Variants in EXOC6B observed in about 807,000 individuals in gnomAD.
EXOC6B encodes SEC15 homolog B.
EXOC6B carries 54 observed loss-of-function variants against 113.5 expected under a neutral mutation model. The ratio of observed to expected loss-of-function variants is 0.48; its 90% CI spans 0.38 to 0.60. The LOEUF (loss-of-function observed/expected upper bound fraction) is 0.60, where lower values mean the gene tolerates loss of function less well. EXOC6B is among the 20% of genes least tolerant of loss of function. The pLI, the probability that EXOC6B is intolerant of heterozygous loss-of-function variation, is 0.00. For missense variants in EXOC6B, 797 were observed against 977.5 expected, an observed-to-expected ratio of 0.82 and a Z score of 2.46; for synonymous variants, 357 against 339.0, an observed-to-expected ratio of 1.05 and a Z score of -0.58.
chr2:72,502,515 C>T (rs1318720739), intron 11 of EXOC6B, among the ~76,000 whole-genome samples: 1 of 151,816 alleles, frequency 6.6e-6, no homozygotes, highest in Admixed American at 6.6e-5. Flanking sequence ...ACCACTGCAC[C>T]CCACCCCGGG....
intron 19 of EXOC6B, among the ~76,000 whole-genome samples, chr2:72,338,363 C>A (rs1387345871): frequency 6.6e-6 from 1 of 151,994 alleles, no homozygotes; most frequent in East Asian, 1.9e-4. Context: ...TCTCAGAGGG[C>A]TGGTAGCTCA....
intron 1 of EXOC6B, among the ~76,000 whole-genome samples, chr2:72,821,450 C>T (rs1037965824): frequency 2.6e-5 from 4 of 152,022 alleles, no homozygotes; most frequent in Non-Finnish European, 5.9e-5. Flanking sequence ...ACCTTACAGC[C>T]TAGAAATTCC....
chr2:72,565,138 C>G (rs1427443559), intron 7 of EXOC6B, among the ~76,000 whole-genome samples: 1 of 151,896 alleles, frequency 6.6e-6, no homozygotes, highest in Non-Finnish European at 1.5e-5. Flanking sequence ...ATCGCTTGAG[C>G]CCAGGAGTTC....
At chr2:72,362,343 CTT>C (rs1316554629) in intron 19 of EXOC6B, among the ~76,000 whole-genome samples, 4 of 152,000 alleles carry the variant, frequency 2.6e-5, no homozygotes, top group African/African-American at 9.7e-5. Context: ...ATGTACCAAT[CTT>C]TTGAATAATT....
At chr2:72,421,983 G>A (rs7599755) in intron 18 of EXOC6B, among the ~76,000 whole-genome samples, 30,422 of 152,232 alleles carry the variant, frequency 0.2, 5,602 homozygotes, top group African/African-American at 0.49. Flanking sequence ...CAGTGGCTGC[G>A]GAGGGTGTAC....
intron 20 of EXOC6B, among the ~76,000 whole-genome samples, chr2:72,231,959 T>C (rs1402444988): frequency 6.6e-6 from 1 of 151,918 alleles, no homozygotes; most frequent in African/African-American, 2.4e-5. Flanking sequence ...CATCCTACCA[T>C]AAAGATGCAA....
At chr2:72,416,912 T>G (rs546435019) in intron 18 of EXOC6B, among the ~76,000 whole-genome samples, 1 of 152,244 alleles carries the variant, frequency 6.6e-6, no homozygotes, top group East Asian at 1.9e-4. Context: ...TCCCTGGTGT[T>G]TTGGTAACAA....
chr2:72,600,308 G>C (rs773042623), intron 6 of EXOC6B, among the ~76,000 whole-genome samples: 2 of 151,950 alleles, frequency 1.3e-5, no homozygotes, highest in African/African-American at 2.4e-5. Flanking sequence ...CAGTGTGGTG[G>C]CATACACCTG....
chr2:72,503,909 C>CT (rs962725182), intron 11 of EXOC6B, among the ~76,000 whole-genome samples: 17 of 151,618 alleles, frequency 1.1e-4, no homozygotes, highest in East Asian at 7.8e-4. Context: ...GAGCATCTTT[C>CT]TTTTTTTTCT....
intron 20 of EXOC6B, among the ~76,000 whole-genome samples, chr2:72,307,208 T>C (rs1686926804): frequency 6.8e-6 from 1 of 147,724 alleles, no homozygotes; most frequent in Non-Finnish European, 1.5e-5. Flanking sequence ...CAGGCTGGAG[T>C]GCAGTGGCGC....
chr2:72,754,138 C>T (rs141921189), intron 1 of EXOC6B, among the ~76,000 whole-genome samples: 17 of 152,074 alleles, frequency 1.1e-4, no homozygotes, highest in African/African-American at 2.4e-4. Context: ...CCTCCCACCT[C>T]GGCCTCCCAA....
intron 6 of EXOC6B, among the ~76,000 whole-genome samples, chr2:72,709,810 T>C (rs1679153236): frequency 6.6e-6 from 1 of 152,184 alleles, no homozygotes; most frequent in Admixed American, 6.5e-5. Flanking sequence ...AGATTGCTTA[T>C]GAGAACCAAT....
intron 17 of EXOC6B, among the ~76,000 whole-genome samples, chr2:72,472,117 A>G (rs1392993236): frequency 2.0e-5 from 3 of 152,168 alleles, no homozygotes; most frequent in African/African-American, 7.2e-5. Context: ...TCAGTTTTCT[A>G]GTATGTTGCT....
chr2:72,534,808 C>G (rs1310825384), intron 8 of EXOC6B, among the ~76,000 whole-genome samples: 2 of 152,142 alleles, frequency 1.3e-5, no homozygotes, highest in Non-Finnish European at 2.9e-5. Flanking sequence ...CTGATATTAT[C>G]TCATGTTATT....
intron 1 of EXOC6B, among the ~76,000 whole-genome samples, chr2:72,776,406 C>T (rs374603404): frequency 1.1e-4 from 16 of 152,232 alleles, no homozygotes; most frequent in African/African-American, 3.1e-4. Context: ...TGTTTTAGCT[C>T]AGGAATTCGA....
chr2:72,810,506 G>A (rs901366031), intron 1 of EXOC6B, among the ~76,000 whole-genome samples: 5 of 151,878 alleles, frequency 3.3e-5, no homozygotes, highest in East Asian at 3.9e-4. Flanking sequence ...CATTAGAAAA[G>A]AGGACAAATC....
intron 6 of EXOC6B, among the ~76,000 whole-genome samples, chr2:72,592,944 T>C (rs10179254): frequency 0.04 from 6,119 of 152,030 alleles, 446 homozygotes; most frequent in African/African-American, 0.14. Context: ...GATTAAAGGG[T>C]TCAAATTTTC....
chr2:72,776,720 T>C (rs1683726230), intron 1 of EXOC6B, among the ~76,000 whole-genome samples: 1 of 151,858 alleles, frequency 6.6e-6, no homozygotes, highest in African/African-American at 2.4e-5. Flanking sequence ...TAATACAAGA[T>C]GAATATCTGG....
At chr2:72,199,273 G>T (rs560159017) in intron 20 of EXOC6B, among the ~76,000 whole-genome samples, 1 of 152,228 alleles carries the variant, frequency 6.6e-6, no homozygotes, top group African/African-American at 2.4e-5. Flanking sequence ...TTACAGTTCA[G>T]CACCACACTC....
Sources: gnomAD v4.1 joint callset for allele counts (sites outside exome capture counted in the v4.1 genomes callset) on GRCh38, gnomAD v4.1.1 for gene constraint, MANE v1.5 for transcripts, NCBI Gene and HGNC (gene_info 2026-07-23, HGNC 2026-07-21) for gene names.